The following PPP3CA variants were observed in gnomAD, a reference collection of about 807,000 sequenced individuals.
PPP3CA encodes protein phosphatase 3 catalytic subunit alpha.
PPP3CA carries 14 observed loss-of-function variants against 66.5 expected under a neutral mutation model. The ratio of observed to expected loss-of-function variants is 0.21; its 90% CI spans 0.14 to 0.33. The LOEUF (loss-of-function observed/expected upper bound fraction) is 0.33. PPP3CA is among the 10% of genes least tolerant of loss of function. The pLI is 1.00. For missense variants in PPP3CA, 317 were observed against 639.5 expected, an observed-to-expected ratio of 0.50 and a Z score of 5.44; for synonymous variants, 232 against 226.2, an observed-to-expected ratio of 1.03 and a Z score of -0.23.
rs577248731 is a variant in PPP3CA at position 101,277,338 on chromosome 4, A to C, written c.58+69401T>G. 1.6e-3 allele frequency among the ~76,000 whole-genome samples: 248 copies of C among 152,354 alleles called. 4 individuals carry two copies. Among genetic ancestry groups the C allele is most frequent in the South Asian group, 0.016 (75 of 4,832 alleles). Reference sequence around the variant, plus strand: ...CATCTCGGCTATTTGGAAATTAAAAATAAAGCTGCTGTGGACATTTGTGTA... The same window carrying C: ...CATCTCGGCTATTTGGAAATTAAAACTAAAGCTGCTGTGGACATTTGTGTA... On this transcript the variant is annotated intron_variant, in intron 1 of 13. Transcript: ENST00000394854.
At chr4:101,047,327 G>C (rs74659532) in intron 10 of PPP3CA, among the ~76,000 whole-genome samples, 9,693 of 152,138 alleles carry the variant, frequency 0.064, 351 homozygotes, top group African/African-American at 0.093. Flanking sequence ...ATAATTTTTA[G>C]TCATGTAGCT....
At position 101,109,768 on chromosome 4, in the gene PPP3CA, A is replaced by T. The variant is rs1045255996; in HGVS notation, c.260-690T>A. Among the ~76,000 whole-genome samples, 88 of 152,148 alleles carry T rather than the reference A, an allele frequency of 5.8e-4. 1 individual carries two copies. The highest frequency in any genetic ancestry group is 5.8e-3 in the Admixed American group (88 of 15,272). On this transcript the variant is annotated intron_variant, in intron 2 of 13. Transcript: ENST00000394854. ...TAAAAGCTGTGACACATAATACAAA[A>T]AAAATTACTGGGAATTGGTATTTCT...
chr4:101,061,109 C>T lies in PPP3CA; in HGVS notation c.1134G>A (p.Gly378=), dbSNP rs937463664. 1.2e-6 allele frequency: 2 copies of T among 1,612,210 alleles called. No homozygotes were observed. The highest frequency in any genetic ancestry group is 1.1e-5 in the South Asian group (1 of 91,052). Residue 378 remains glycine (G), a synonymous_variant, in exon 10 of 14, where the codon GGG becomes GGA. Transcript: ENST00000394854. The stretch of plus-strand genomic sequence containing the variant: ...TACCATCAAATCCATCTTCTTCTGA[C>T]CCTAGTTCATCATCTGAGCAGATGT... The part of the protein sequence containing the change: ...VLNICSDDEL[G]SEEDGFDGAT...
chr4:101,139,404 T>C (rs1373927115), intron 2 of PPP3CA, among the ~76,000 whole-genome samples: 2 of 150,728 alleles, frequency 1.3e-5, no homozygotes, highest in Non-Finnish European at 3.0e-5. Context: ...TGACCAGTGA[T>C]AGGGTCAAGC....
intron 2 of PPP3CA, among the ~76,000 whole-genome samples, chr4:101,170,165 T>C (rs988009308): frequency 1.8e-5 from 2 of 113,556 alleles, no homozygotes; most frequent in Non-Finnish European, 4.5e-5. Flanking sequence ...GGCTTACCAA[T>C]TGAAATAACA....
At chr4:101,036,997 T>A (rs1036907837) in intron 11 of PPP3CA, among the ~76,000 whole-genome samples, 1 of 150,632 alleles carries the variant, frequency 6.6e-6, no homozygotes, top group Non-Finnish European at 1.5e-5. Flanking sequence ...TCTGGCTAAT[T>A]TTAACAGGAA....
chr4:101,093,631 A>G (rs1453134813), intron 6 of PPP3CA, 145 bp downstream of exon 6: 1 of 804,334 alleles, frequency 1.2e-6, no homozygotes, highest in Non-Finnish European at 1.8e-6. Flanking sequence ...TCATTTATTT[A>G]TATTTTCATT....
intron 6 of PPP3CA, among the ~76,000 whole-genome samples, chr4:101,084,603 A>G (rs1277708330): frequency 2.0e-5 from 3 of 151,820 alleles, no homozygotes; most frequent in South Asian, 2.1e-4. Context: ...AGAACGCACC[A>G]TTGCACTCCA....
At chr4:101,204,231 T>C (rs1725057019) in intron 1 of PPP3CA, among the ~76,000 whole-genome samples, 1 of 152,172 alleles carries the variant, frequency 6.6e-6, no homozygotes, top group Non-Finnish European at 1.5e-5. Flanking sequence ...TGTCTTAAAC[T>C]CCTAGGCTCA....
chr4:101,125,304 T>C (rs992391536), intron 2 of PPP3CA, among the ~76,000 whole-genome samples: 8 of 152,210 alleles, frequency 5.3e-5, no homozygotes, highest in African/African-American at 1.9e-4. Flanking sequence ...TTGATCAACT[T>C]CTCTCTGCAC....
At chr4:101,275,854 A>T (rs1163135476) in intron 1 of PPP3CA, among the ~76,000 whole-genome samples, 2 of 133,380 alleles carry the variant, frequency 1.5e-5, no homozygotes, top group Non-Finnish European at 3.1e-5. Flanking sequence ...TTCTGTGTGT[A>T]TGTGTGGTTT....
At chr4:101,296,223 T>C (rs1728194838) in intron 1 of PPP3CA, among the ~76,000 whole-genome samples, 1 of 152,194 alleles carries the variant, frequency 6.6e-6, no homozygotes, top group African/African-American at 2.4e-5. Context: ...TCAATAGATT[T>C]AAATTACAGC....
intron 2 of PPP3CA, among the ~76,000 whole-genome samples, chr4:101,120,991 A>G (rs1722008956): frequency 1.3e-5 from 2 of 152,136 alleles, no homozygotes; most frequent in Admixed American, 1.3e-4. Context: ...TTTGCCTAAC[A>G]TGGTATATAT....
intron 1 of PPP3CA, among the ~76,000 whole-genome samples, chr4:101,300,842 A>G (rs1344646728): frequency 1.3e-5 from 2 of 152,160 alleles, no homozygotes; most frequent in African/African-American, 2.4e-5. Context: ...ATTGTACTGT[A>G]TATCTGCCTC....
chr4:101,122,992 T>G (rs1480167653), intron 2 of PPP3CA, among the ~76,000 whole-genome samples: 1 of 152,188 alleles, frequency 6.6e-6, no homozygotes, highest in Non-Finnish European at 1.5e-5. Context: ...TTTGACTTCT[T>G]CAAGACAATT....
At chr4:101,246,994 T>C (rs1303180459) in intron 1 of PPP3CA, among the ~76,000 whole-genome samples, 1 of 152,132 alleles carries the variant, frequency 6.6e-6, no homozygotes, top group Non-Finnish European at 1.5e-5. Flanking sequence ...ATACAGTAAG[T>C]ACAACATACG....
At chr4:101,216,339 A>G (rs544585309) in intron 1 of PPP3CA, among the ~76,000 whole-genome samples, 33 of 152,306 alleles carry the variant, frequency 2.2e-4, no homozygotes, top group Non-Finnish European at 3.8e-4. Context: ...ACTAGTGGTG[A>G]TAACAAATGA....
intron 1 of PPP3CA, among the ~76,000 whole-genome samples, chr4:101,222,380 A>T (rs953165327): frequency 5.9e-5 from 9 of 151,650 alleles, no homozygotes; most frequent in Non-Finnish European, 1.2e-4. Context: ...CTCCACCTCA[A>T]ATACACATTA....
At chr4:101,234,391 ATC>A (rs1297778748) in intron 1 of PPP3CA, among the ~76,000 whole-genome samples, 2 of 151,752 alleles carry the variant, frequency 1.3e-5, no homozygotes, top group African/African-American at 4.8e-5. Context: ...CTTCACCAGC[ATC>A]TGTCATCTTT....
Sources: gnomAD v4.1 joint callset for allele counts (sites outside exome capture counted in the v4.1 genomes callset) on GRCh38, gnomAD v4.1.1 for gene constraint, MANE v1.5 for transcripts, NCBI Gene and HGNC (gene_info 2026-07-23, HGNC 2026-07-21) for gene names.